The following PRSS23 variants were observed in gnomAD, a reference collection of about 807,000 sequenced individuals.
The protein encoded by PRSS23 is serine protease 23, also known as protease, serine 23.
Under a neutral mutation model 34.7 loss-of-function variants are expected in PRSS23, and 25 were observed. The ratio of observed to expected loss-of-function variants is 0.72; its 90% CI spans 0.53 to 1.01. PRSS23 has a LOEUF of 1.01. Ranked by LOEUF, PRSS23 falls within the 50% of genes least tolerant of loss-of-function variation. The pLI, the probability that PRSS23 is intolerant of heterozygous loss-of-function variation, is 0.00. For missense variants in PRSS23, 445 were observed against 475.6 expected (o/e 0.94, Z 0.60); for synonymous variants, 176 against 186.6 (o/e 0.94, Z 0.46).
At chr11:86,844,670 G>T (rs1948472994) in intron 2 of PRSS23, among the ~76,000 whole-genome samples, 1 of 152,172 alleles carries the variant, frequency 6.6e-6, no homozygotes, top group Non-Finnish European at 1.5e-5. Context: ...ATAATTGAAT[G>T]CTGTGAATAC....
chr11:86,915,288 C>T (rs536788465), intron 2 of PRSS23, among the ~76,000 whole-genome samples: 1 of 152,198 alleles, frequency 6.6e-6, no homozygotes, highest in African/African-American at 2.4e-5. Flanking sequence ...GGTTAGGGAG[C>T]ACCAGGCACA....
chr11:86,870,283 G>C (rs1948676673), intron 2 of PRSS23, among the ~76,000 whole-genome samples: 1 of 151,480 alleles, frequency 6.6e-6, no homozygotes, highest in South Asian at 2.1e-4. Flanking sequence ...AAACCTACCA[G>C]AGCTGAAAGT....
chr11:86,933,038 C>T (rs1949136736), intron 2 of PRSS23: 1 of 152,398 alleles, frequency 6.6e-6, no homozygotes, highest in South Asian at 2.1e-4. Context: ...ACCAAGTGGT[C>T]TTTCCCTGAA....
chr11:86,846,383 A>T, intron 2 of PRSS23, among the ~76,000 whole-genome samples: 1 of 152,120 alleles, frequency 6.6e-6, no homozygotes, highest in Admixed American at 6.6e-5. Context: ...CTTAAAGGTG[A>T]TTAGTGTGGC....
intron 1 of PRSS23, chr11:86,821,654 G>T (rs543959833): frequency 6.4e-7 from 1 of 1,569,224 alleles, no homozygotes; most frequent in Non-Finnish European, 8.7e-7. Context: ...GCTGGTTCAA[G>T]AATTTTGTCA....
chr11:86,867,883 A>AAAAAAAAAAAAAAAAAAAAAAAAAG (rs1555076602), intron 2 of PRSS23, among the ~76,000 whole-genome samples: 1 of 151,090 alleles, frequency 6.6e-6, no homozygotes. Context: ...TCAAAAAAAA[A>AAAAAAAAAAAAAAAAAAAAAAAAAG]AAAAAAAATA....
chr11:86,791,746 T>C (rs1345318987), intron 1 of PRSS23, among the ~76,000 whole-genome samples: 1 of 152,188 alleles, frequency 6.6e-6, no homozygotes, highest in East Asian at 1.9e-4. Context: ...ACAGCCAAAC[T>C]AGCTTCCCTG....
At chr11:86,879,032 G>C (rs1273352946) in intron 2 of PRSS23, among the ~76,000 whole-genome samples, 1 of 136,296 alleles carries the variant, frequency 7.3e-6, no homozygotes, top group Non-Finnish European at 1.6e-5. Flanking sequence ...GTCTCTGCCC[G>C]GCAGCCATCC....
chr11:86,792,735 C>A (rs141771358), intron 1 of PRSS23, among the ~76,000 whole-genome samples: 8 of 151,958 alleles, frequency 5.3e-5, no homozygotes, highest in African/African-American at 1.9e-4. Context: ...GAAAAATGGA[C>A]AGAATGTAGA....
intron 2 of PRSS23, among the ~76,000 whole-genome samples, chr11:86,824,370 T>TAAA: frequency 1.1e-5 from 1 of 94,728 alleles, no homozygotes; most frequent in Middle Eastern, 5.6e-3. Flanking sequence ...TAAAATAAAA[T>TAAA]AAATAAAATA....
Position 86,907,970 on chromosome 11 carries a change from C to T in PRSS23, c.207-43246C>T, listed in dbSNP as rs538062035. On this transcript the variant is annotated intron_variant, in intron 2 of 2. Transcript: ENST00000533902. ...TCAGATTCCTCGTCAGTGGGAATCACGCAGTAGTTGTCCTGTGACTGGCTT... is the reference window on the plus strand; with the variant it reads ...TCAGATTCCTCGTCAGTGGGAATCATGCAGTAGTTGTCCTGTGACTGGCTT... 1.6e-4 allele frequency among the ~76,000 whole-genome samples: 25 copies of T among 152,312 alleles called. 2 individuals carry two copies. The highest frequency in any genetic ancestry group is 9.8e-4 in the Admixed American group (15 of 15,302).
intron 2 of PRSS23, among the ~76,000 whole-genome samples, chr11:86,931,406 A>G (rs1949124904): frequency 6.6e-6 from 1 of 152,222 alleles, no homozygotes; most frequent in Non-Finnish European, 1.5e-5. Flanking sequence ...CATACCACTC[A>G]GCAATACAAT....
At chr11:86,799,480 G>T (rs1398553687), upstream of PRSS23, among the ~76,000 whole-genome samples, 1 of 152,088 alleles carries the variant, frequency 6.6e-6, no homozygotes, top group Non-Finnish European at 1.5e-5. Flanking sequence ...GTGTGATTTT[G>T]GGCAAGTCAT....
At chr11:86,865,235 A>C (rs569435221) in intron 2 of PRSS23, among the ~76,000 whole-genome samples, 1 of 152,306 alleles carries the variant, frequency 6.6e-6, no homozygotes, top group African/African-American at 2.4e-5. Context: ...AGGCAAGTTG[A>C]GGTTTCAATT....
At chr11:86,797,555 G>A (rs978342987), upstream of PRSS23, among the ~76,000 whole-genome samples, 1 of 152,186 alleles carries the variant, frequency 6.6e-6, no homozygotes, top group African/African-American at 2.4e-5. Flanking sequence ...ATGAAGGACT[G>A]TTGTGCTCTT....
At chr11:86,917,828 T>C (rs1045832880) in intron 2 of PRSS23, among the ~76,000 whole-genome samples, 1 of 152,204 alleles carries the variant, frequency 6.6e-6, no homozygotes, top group African/African-American at 2.4e-5. Flanking sequence ...GTATAATTGA[T>C]TGCCTATTCA....
chr11:86,858,295 T>C (rs1045504297), intron 2 of PRSS23, among the ~76,000 whole-genome samples: 1 of 152,072 alleles, frequency 6.6e-6, no homozygotes, highest in African/African-American at 2.4e-5. Context: ...TTGTTCCTAA[T>C]ATCCAGTGGG....
chr11:86,919,603 A>C (rs545698328), intron 2 of PRSS23, among the ~76,000 whole-genome samples: 18 of 152,206 alleles, frequency 1.2e-4, no homozygotes, highest in Non-Finnish European at 2.5e-4. Context: ...TCTGAAAGTT[A>C]AGAGACTTGG....
chr11:86,943,508 C>A (rs1472725137), intron 2 of PRSS23, among the ~76,000 whole-genome samples: 1 of 151,962 alleles, frequency 6.6e-6, no homozygotes, highest in Non-Finnish European at 1.5e-5. Flanking sequence ...CCTGTAATCC[C>A]AGCTACTCAG....
Sources: allele counts gnomAD v4.1 joint callset (sites outside exome capture counted in the v4.1 genomes callset), GRCh38; gene constraint gnomAD v4.1.1; transcripts MANE v1.5; gene names NCBI Gene and HGNC (gene_info 2026-07-23, HGNC 2026-07-21).